SLIT1: variants seen among roughly 807,000 people sequenced by gnomAD.
SLIT1 encodes the protein slit guidance ligand 1.
Under a neutral mutation model 186.1 loss-of-function variants are expected in SLIT1, and 66 were observed. That is an observed-to-expected ratio of 0.35 (90% CI 0.29 to 0.44). SLIT1 has a LOEUF of 0.44. Ranked by LOEUF, SLIT1 falls within the 20% of genes least tolerant of loss-of-function variation. The pLI is 1.00. For missense variants in SLIT1, 1,638 were observed against 2,037.4 expected (o/e 0.80, Z 3.77); for synonymous variants, 761 against 833.8 (o/e 0.91, Z 1.50).
At chr10:97,066,877 T>C (rs1421690023) in intron 4 of SLIT1, among the ~76,000 whole-genome samples, 1 of 152,056 alleles carries the variant, frequency 6.6e-6, no homozygotes, top group Non-Finnish European at 1.5e-5. Context: ...CAAAGGGGCA[T>C]ACAACAGAGG....
rs1379381264 is a variant in SLIT1 at position 97,056,313 on chromosome 10, G to C, written c.1301+8C>G. On this transcript the variant is annotated splice_region_variant and intron_variant, in intron 13 of 36. Coordinates refer to ENST00000266058, the MANE Select transcript of SLIT1 (RefSeq NM_003061.3). ...GAGGGGAGAAGAAGAAGGCATCAGG[G>C]CACTCACAGAGTCTGGATGGCCCGC... 6.2e-7 allele frequency: 1 copy of C among 1,613,952 alleles called. No homozygotes were observed. The highest frequency in any genetic ancestry group is 8.5e-7 in the Non-Finnish European group (1 of 1,179,870).
chr10:97,184,018 CCACACACACACACACACACA>C lies in SLIT1; in HGVS notation c.197+1440_197+1459del, dbSNP rs36000443. ...ATTCACACACACACATACACATGCA[CCACACACACACACACACACA>C]CACACACACACACACACACACTTCC... On this transcript the variant is annotated intron_variant, in intron 1 of 36. Transcript: ENST00000266058. The surrounding 1 kb of genome is among the most constrained non-coding windows in gnomAD (Gnocchi z 4.4). 1.4e-5 allele frequency among the ~76,000 whole-genome samples: 2 copies of C among 142,474 alleles called. No homozygotes were observed. Among genetic ancestry groups the C allele is most frequent in the East Asian group, 2.1e-4 (1 of 4,778 alleles). The allele number at this position is 142,474 out of a possible 152,430, so 93.5% of individuals were successfully genotyped here.
intron 1 of SLIT1, among the ~76,000 whole-genome samples, chr10:97,185,074 C>T (rs766261890): frequency 1.3e-5 from 2 of 152,244 alleles, no homozygotes; most frequent in African/African-American, 2.4e-5. Flanking sequence ...AGAACGCGGC[C>T]GTAGCCCCAT....
At chr10:97,061,041 A>G (rs904654987) in intron 8 of SLIT1, among the ~76,000 whole-genome samples, 9 of 152,244 alleles carry the variant, frequency 5.9e-5, no homozygotes, top group African/African-American at 2.2e-4. Flanking sequence ...TGATTCATAC[A>G]CTAAGAAATC....
intron 12 of SLIT1, 87 bp downstream of exon 12, chr10:97,057,123 G>T: frequency 9.8e-7 from 1 of 1,017,884 alleles, no homozygotes; most frequent in South Asian, 1.4e-5. Flanking sequence ...CCATACCCAA[G>T]AGAGGCCTAA....
chr10:97,015,343 C>G (rs988917857), intron 28 of SLIT1, among the ~76,000 whole-genome samples: 2 of 152,148 alleles, frequency 1.3e-5, no homozygotes, highest in African/African-American at 4.8e-5. Context: ...CAGTTCTGTG[C>G]ACTGGAAGTA....
chr10:97,119,913 G>GTATATATATATATATATATATATATATA (rs55656011), intron 4 of SLIT1, among the ~76,000 whole-genome samples: 4 of 56,520 alleles, frequency 7.1e-5, no homozygotes, highest in Non-Finnish European at 1.5e-4. Flanking sequence ...TTCCAAAGGG[G>GTATATATATATATATATATATATATATA]TATATATATA....
At chr10:97,092,191 T>G (rs979200212) in intron 4 of SLIT1, among the ~76,000 whole-genome samples, 2 of 152,172 alleles carry the variant, frequency 1.3e-5, no homozygotes, top group Non-Finnish European at 2.9e-5. Flanking sequence ...GCCTCAAGAG[T>G]GGGCTGCCCA....
At chr10:97,024,940 T>C (rs1296465252) in intron 25 of SLIT1, among the ~76,000 whole-genome samples, 4 of 152,080 alleles carry the variant, frequency 2.6e-5, no homozygotes, top group Non-Finnish European at 5.9e-5. Context: ...ACACCTGAGA[T>C]GTAAGTGCTC....
At chr10:97,111,827 T>C (rs1849467540) in intron 4 of SLIT1, among the ~76,000 whole-genome samples, 1 of 152,148 alleles carries the variant, frequency 6.6e-6, no homozygotes, top group Admixed American at 6.5e-5. Flanking sequence ...CTGTTACTCA[T>C]CGTCTTCAAT....
chr10:97,179,540 G>A (rs147859724), intron 1 of SLIT1, among the ~76,000 whole-genome samples: 3 of 152,372 alleles, frequency 2.0e-5, no homozygotes, highest in Non-Finnish European at 4.4e-5. Flanking sequence ...TCTCTCGGTA[G>A]GTGATGAAGC....
chr10:97,163,250 G>C (rs113865143), intron 3 of SLIT1, 130 bp downstream of exon 3: 4 of 745,686 alleles, frequency 5.4e-6, no homozygotes, highest in African/African-American at 1.7e-5. Flanking sequence ...GGCTCCATCC[G>C]CTGGTGGAGG....
At chr10:97,044,273 G>A (rs1380743923) in intron 18 of SLIT1, among the ~76,000 whole-genome samples, 2 of 152,182 alleles carry the variant, frequency 1.3e-5, no homozygotes, top group African/African-American at 4.8e-5. Flanking sequence ...GTGTGCACTT[G>A]TAGTCCCAGC....
chr10:97,048,848 C>CGGCT, intron 14 of SLIT1, 107 bp downstream of exon 14: 1 of 213,240 alleles, frequency 4.7e-6, no homozygotes. Context: ...AGTGAGCAGG[C>CGGCT]GGGTAGGTGG....
At chr10:97,135,753 A>G (rs1001401889) in intron 4 of SLIT1, among the ~76,000 whole-genome samples, 6 of 152,230 alleles carry the variant, frequency 3.9e-5, no homozygotes, top group African/African-American at 1.2e-4. Context: ...GGATGTAAAC[A>G]GCCACGGATG....
chr10:97,138,134 A>G (rs1849720380), intron 4 of SLIT1, among the ~76,000 whole-genome samples: 1 of 152,204 alleles, frequency 6.6e-6, no homozygotes, highest in East Asian at 1.9e-4. Flanking sequence ...CAGTGTTTGC[A>G]GGTTATGAAA....
chr10:97,047,150 A>G, intron 16 of SLIT1, 85 bp from the exon 17 acceptor site: 1 of 866,648 alleles, frequency 1.2e-6, no homozygotes, highest in Admixed American at 2.1e-5. Context: ...TGGGACTCAA[A>G]CAGAGAAGAC....
chr10:97,011,807 G>A (rs1472010582), intron 30 of SLIT1, among the ~76,000 whole-genome samples: 7 of 152,022 alleles, frequency 4.6e-5, no homozygotes, highest in African/African-American at 1.2e-4. Flanking sequence ...ACCTCACCAA[G>A]CACTTCCCTG....
rs372944471 is a variant in SLIT1 at position 97,002,288 on chromosome 10, G to A, written c.4236C>T (p.Cys1412=). 1.7e-5 allele frequency: 27 copies of A among 1,610,296 alleles called. No individual in the cohort carries two copies. Among genetic ancestry groups the A allele is most frequent in the Non-Finnish European group, 2.0e-5 (24 of 1,179,040 alleles). Residue 1412 remains cysteine (C), a synonymous_variant, in exon 36 of 37, where the codon TGC becomes TGT. Coordinates refer to ENST00000266058, the MANE Select transcript of SLIT1 (RefSeq NM_003061.3). The part of the protein sequence containing the change: ...QCQDGYSGAL[C]NQAGALAEPC... ...GCTCTGCCAGGGCCCCGGCCTGGTT[G>A]CACAGTGCCCCCGAGTACCCATCCT... is the stretch of plus-strand genomic sequence containing the variant.
Sources: allele counts gnomAD v4.1 joint callset (sites outside exome capture counted in the v4.1 genomes callset), GRCh38; gene constraint gnomAD v4.1.1; non-coding constraint Gnocchi (gnomAD v3.1); transcripts MANE v1.5; gene names NCBI Gene and HGNC (gene_info 2026-07-23, HGNC 2026-07-21).